The following CLIP2 variants were observed in gnomAD, a reference collection of about 807,000 sequenced individuals.
CLIP2 encodes CAP-Gly domain containing linker protein 2.
A neutral mutation model predicts 111.7 loss-of-function variants in CLIP2; 41 were observed. The ratio of observed to expected loss-of-function variants is 0.37; its 90% CI spans 0.29 to 0.48. The LOEUF (loss-of-function observed/expected upper bound fraction) is 0.48. Among genes scored for constraint, CLIP2 ranks in the 20% least tolerant of loss-of-function variants. The pLI is 0.99. For synonymous variants in CLIP2, 660 were observed against 644.2 expected, an observed-to-expected ratio of 1.02 and a Z score of -0.37; for missense variants, 1,160 against 1,422.1, an observed-to-expected ratio of 0.82 and a Z score of 2.96.
chr7:74,392,791 C>CT (rs1193039158), intron 13 of CLIP2, among the ~76,000 whole-genome samples: 5 of 152,206 alleles, frequency 3.3e-5, no homozygotes, highest in African/African-American at 1.2e-4. Flanking sequence ...GCACTCCAGC[C>CT]TGGGCAACAA....
intron 7 of CLIP2, among the ~76,000 whole-genome samples, chr7:74,360,573 C>T (rs1195048287): frequency 6.6e-6 from 1 of 152,102 alleles, no homozygotes; most frequent in East Asian, 1.9e-4. Flanking sequence ...TTTTTTGAAA[C>T]AGGGTCTCAC....
intron 6 of CLIP2, among the ~76,000 whole-genome samples, chr7:74,359,545 T>C (rs113450291): frequency 0.087 from 13,151 of 151,388 alleles, 641 homozygotes; most frequent in Middle Eastern, 0.1. Context: ...TTAGTAGAGA[T>C]GGGGTTTCAC....
At chr7:74,370,900 G>T (rs2116641885) in intron 8 of CLIP2, among the ~76,000 whole-genome samples, 1 of 152,064 alleles carries the variant, frequency 6.6e-6, no homozygotes, top group South Asian at 2.1e-4. Context: ...AGTCTGGAAT[G>T]ATCTTCACTA....
intron 2 of CLIP2, among the ~76,000 whole-genome samples, chr7:74,329,504 T>G (rs1476445987): frequency 1.3e-5 from 2 of 152,194 alleles, no homozygotes; most frequent in African/African-American, 2.4e-5. Flanking sequence ...ACCCTTCACT[T>G]TGTTGAAGTT....
At chr7:74,364,991 TG>T (rs1790436784) in intron 8 of CLIP2, 3 of 388,744 alleles carry the variant, frequency 7.7e-6, no homozygotes, top group Non-Finnish European at 1.5e-5. Context: ...GCCTGTTTTT[TG>T]TTGTGTGTGT....
chr7:74,357,171 C>T lies in CLIP2; in HGVS notation c.1018-109C>T, dbSNP rs1584356147. The T allele has an allele frequency of 1.3e-5, 12 of 907,762 alleles. No individual in the cohort carries two copies. In the East Asian group the frequency reaches 3.1e-4, roughly 24 times the overall value. The allele number at this position is 907,762 out of a possible 1,614,324, so 56.2% of individuals were successfully genotyped here. On this transcript the variant is annotated intron_variant, in intron 5 of 16. Coordinates refer to ENST00000223398, the MANE Select transcript of CLIP2 (RefSeq NM_003388.5). ...AAGAGCAGGACCCTGGGAGTCAAGG[C>T]ACTTGGGCTCCCACCTGCTATGTTG...
intron 1 of CLIP2, among the ~76,000 whole-genome samples, chr7:74,317,235 AG>A (rs1166684937): frequency 2.0e-5 from 3 of 152,102 alleles, no homozygotes; most frequent in Non-Finnish European, 2.9e-5. Flanking sequence ...AGGATATAAG[AG>A]GGTAAGGCAA....
chr7:74,399,127 G>GAGTTTGGGCAGTGCTGAAGGATGC (rs1554317150), intron 14 of CLIP2, among the ~76,000 whole-genome samples: 2 of 152,190 alleles, frequency 1.3e-5, no homozygotes, highest in Non-Finnish European at 2.9e-5. Context: ...CTGAAGGATG[G>GAGTTTGGGCAGTGCTGAAGGATGC]AGTTTGTGCA....
chr7:74,386,501 G>A lies in CLIP2; in HGVS notation c.2480-20G>A, dbSNP rs367880925. 75 of 1,606,160 alleles carry A rather than the reference G, an allele frequency of 4.7e-5. No homozygotes were observed. The highest frequency in any genetic ancestry group is 1.6e-4 in the Middle Eastern group (1 of 6,068). The stretch of plus-strand genomic sequence containing the variant: ...TGGTCCAGGAGCATTGATGCTTCTC[G>A]TCTCTCCTCTCTCCCCTAGGCCTGC... On this transcript the variant is annotated intron_variant, in intron 11 of 16. Coordinates refer to ENST00000223398, the MANE Select transcript of CLIP2 (RefSeq NM_003388.5).
chr7:74,347,932 C>G (rs1169752981), intron 3 of CLIP2, among the ~76,000 whole-genome samples: 1 of 152,074 alleles, frequency 6.6e-6, no homozygotes, highest in Non-Finnish European at 1.5e-5. Context: ...GTAATCCCAG[C>G]ACTTTGGGAG....
chr7:74,338,413 G>A lies in CLIP2; in HGVS notation c.122-35G>A. Reference sequence around the variant, plus strand: ...GGCCACCCAGGGGCCAGCCCTAACAGCCACCTCTTTCCCTTTCCCTCTCCT... The same window carrying A: ...GGCCACCCAGGGGCCAGCCCTAACAACCACCTCTTTCCCTTTCCCTCTCCT... On this transcript the variant is annotated intron_variant, in intron 2 of 16. Transcript: ENST00000223398. The surrounding 1 kb of genome is among the most constrained non-coding windows in gnomAD (Gnocchi z 4.3). 6.2e-7 allele frequency: 1 copy of A among 1,602,404 alleles called. No individual in the cohort carries two copies. Among genetic ancestry groups the A allele is most frequent in the Non-Finnish European group, 8.5e-7 (1 of 1,175,754 alleles).
chr7:74,327,215 G>A (rs1198232257), intron 2 of CLIP2, among the ~76,000 whole-genome samples: 5 of 152,044 alleles, frequency 3.3e-5, no homozygotes, highest in Non-Finnish European at 7.3e-5. Context: ...CAATTCTTCT[G>A]CCTCAGCCTC....
intron 2 of CLIP2, among the ~76,000 whole-genome samples, chr7:74,334,431 C>T (rs180835879): frequency 6.6e-5 from 10 of 152,158 alleles, no homozygotes; most frequent in South Asian, 4.2e-4. Flanking sequence ...CGCCTGGGCC[C>T]GGACAGCTGG....
Position 74,289,600 on chromosome 7 carries a change from G to C in CLIP2, c.-202G>C, listed in dbSNP as rs1037226385. On this transcript the variant is annotated 5_prime_UTR_variant, in exon 1 of 17. Transcript: ENST00000223398. ...TCGCGGGGATCCCCGGCGCCAGGAG[G>C]GGGTGCAGCCGGTGGGCAGCGCCGC... 1 of 151,946 alleles carries C rather than the reference G, an allele frequency of 6.6e-6. No homozygotes were observed. Among genetic ancestry groups the C allele is most frequent in the African/African-American group, 2.4e-5 (1 of 41,414 alleles). The allele number at this position is 151,946 out of a possible 1,614,324, so 9.4% of individuals were successfully genotyped here. A position where few individuals can be genotyped will look rare whatever the true frequency, so the allele number is the denominator to read the frequency against.
intron 1 of CLIP2, among the ~76,000 whole-genome samples, chr7:74,312,010 C>T (rs368309399): frequency 6.6e-6 from 1 of 151,940 alleles, no homozygotes; most frequent in East Asian, 1.9e-4. Flanking sequence ...CTTTGGGAGG[C>T]TGAGGCAGGT....
In CLIP2 at chr7:74,379,178, T is replaced by C. The variant is rs549287668; in HGVS notation, c.2422-1628T>C. ...TAGTAGTGGCCCCAGAAAGCCCATC[T>C]CCTGGCCGGGCGCGGTGGCTCACAC... is the stretch of plus-strand genomic sequence containing the variant. On this transcript the variant is annotated intron_variant, in intron 10 of 16. Coordinates refer to ENST00000223398, the MANE Select transcript of CLIP2 (RefSeq NM_003388.5). Among the ~76,000 whole-genome samples the C allele has an allele frequency of 9.2e-5, 14 of 152,130 alleles. No homozygotes were observed. The South Asian group carries it at 2.9e-3, about 32-fold the overall frequency.
At chr7:74,375,356 C>T (rs1291910433) in intron 9 of CLIP2, among the ~76,000 whole-genome samples, 1 of 151,640 alleles carries the variant, frequency 6.6e-6, no homozygotes, top group Non-Finnish European at 1.5e-5. Flanking sequence ...CGAGACCAGC[C>T]TAGGCAAAAG....
intron 8 of CLIP2, among the ~76,000 whole-genome samples, chr7:74,372,401 T>TGGGGGGGGGGGG (rs797027650): frequency 3.0e-4 from 4 of 13,420 alleles, no homozygotes; most frequent in Non-Finnish European, 1.4e-4. Context: ...AGCACAGGCC[T>TGGGGGGGGGGGG]TGGGGGGGGG....
At chr7:74,337,946 T>G (rs1456477840) in intron 2 of CLIP2, among the ~76,000 whole-genome samples, 2 of 152,030 alleles carry the variant, frequency 1.3e-5, no homozygotes, top group East Asian at 3.9e-4. Context: ...TCTGGAGGGC[T>G]GGAAGAGTAG....
Sources: gnomAD v4.1 joint callset for allele counts (sites outside exome capture counted in the v4.1 genomes callset) on GRCh38, gnomAD v4.1.1 for gene constraint, Gnocchi (gnomAD v3.1) non-coding constraint, MANE v1.5 for transcripts, NCBI Gene and HGNC (gene_info 2026-07-23, HGNC 2026-07-21) for gene names.